Variants in NLRP2B observed in about 807,000 individuals in gnomAD.
NLRP2B encodes the protein NLR family pyrin domain containing 2B, also known as NLR family pyrin domain-containing protein 2B.
For missense variants in NLRP2B, 25 were observed against 6.8 expected (o/e 3.70, Z -3.00); for synonymous variants, 16 against 3.5 (o/e 4.63, Z -4.03).
chrX:57,678,017 G>T lies in NLRP2B; in HGVS notation c.*2106C>A. ...ACAGTCTTGTGACCTCAAAGAGCTA[G>T]GCAGAGGTTCCGATAAGCATCAGCT... On this transcript the variant is annotated 3_prime_UTR_variant, in exon 1 of 1. Coordinates refer to ENST00000434992, the MANE Select transcript of NLRP2B (RefSeq NM_001319967.1). The T allele has an allele frequency of 2.1e-6, 1 of 473,383 alleles. No individual in the cohort carries two copies. The highest frequency in any genetic ancestry group is 3.8e-6 in the Non-Finnish European group (1 of 260,071). 39.0% of individuals were successfully genotyped at this position (473,383 alleles called of 1,213,427 possible).
rs938093896 is a variant in NLRP2B, at chrX:57,679,339, T to C, written c.*784A>G. ...GAAGACCGGCACCGGCTTCTGCTTC[T>C]CCCAGTCCCCACAGATGTCCTAGAT... On this transcript the variant is annotated 3_prime_UTR_variant, in exon 1 of 1. Transcript: ENST00000434992. 3.7e-5 allele frequency: 22 copies of C among 588,142 alleles called. No individual in the cohort carries two copies. The African/African-American group carries it at 4.9e-4, about 13-fold the overall frequency. 48.5% of individuals were successfully genotyped at this position (588,142 alleles called of 1,213,427 possible).
chrX:57,680,220 A>T lies in NLRP2B; in HGVS notation c.41T>A (p.Leu14His), dbSNP rs1660699846. ...SAQLDFNLQA[L>H]LGQLSQDDLC... is the part of the protein sequence containing the mutation. Reference sequence around the variant, plus strand: ...GTCATCCTGGCTGAGCTGTCCCAGAAGAGCCTGCAGGTTGAAGTCCAGCTG... The same window carrying T: ...GTCATCCTGGCTGAGCTGTCCCAGATGAGCCTGCAGGTTGAAGTCCAGCTG... The change falls in exon 1 of 1, where the codon CTT becomes CAT. Residue 14 changes from leucine (L) to histidine (H), a missense_variant. Physicochemically the swap from Leu to His is moderately conservative, Grantham distance 99. Coordinates refer to ENST00000434992, the MANE Select transcript of NLRP2B (RefSeq NM_001319967.1). 5.3e-6 allele frequency: 2 copies of T among 379,250 alleles called. No homozygotes were observed. The highest frequency in any genetic ancestry group is 9.4e-6 in the Non-Finnish European group (2 of 211,987). 31.3% of individuals were successfully genotyped at this position (379,250 alleles called of 1,213,427 possible).
In NLRP2B at chrX:57,678,232, C is replaced by G. The variant is rs1350391379; in HGVS notation, c.*1891G>C. On this transcript the variant is annotated 3_prime_UTR_variant, in exon 1 of 1. Coordinates refer to ENST00000434992, the MANE Select transcript of NLRP2B (RefSeq NM_001319967.1). ...AAGCATGTGTTGATCATCCTGGGAT[C>G]TCTCAACTTCAGCATCTGATTCAGA... 5.6e-6 allele frequency: 3 copies of G among 534,391 alleles called. No individual in the cohort carries two copies. Among genetic ancestry groups the G allele is most frequent in the Non-Finnish European group, 1.0e-5 (3 of 292,053 alleles). The allele number at this position is 534,391 out of a possible 1,213,427, so 44.0% of individuals were successfully genotyped here. A position where few individuals can be genotyped will look rare whatever the true frequency, so the allele number is the denominator to read the frequency against.
In NLRP2B at chrX:57,680,106, C is replaced by T; in HGVS notation, c.*17G>A. ...GGTGATGATTTCTGCCAGTTGCTTC[C>T]CATCAGCCTTGTCTACCTATGTCTG... On this transcript the variant is annotated 3_prime_UTR_variant, in exon 1 of 1. Transcript: ENST00000434992. The T allele has an allele frequency of 4.4e-6, 2 of 456,051 alleles. No homozygotes were observed. The highest frequency in any genetic ancestry group is 5.9e-5 in the Admixed American group (2 of 34,068). The allele number at this position is 456,051 out of a possible 1,213,427, so 37.6% of individuals were successfully genotyped here.
chrX:57,678,672 G>T lies in NLRP2B; in HGVS notation c.*1451C>A, dbSNP rs1288647433. ...AAAACAGCTTCTGCACGTCTCCATT[G>T]TCCCAGGCGTGGCCGTCCTTGTCCT... On this transcript the variant is annotated 3_prime_UTR_variant, in exon 1 of 1. Coordinates refer to ENST00000434992, the MANE Select transcript of NLRP2B (RefSeq NM_001319967.1). The T allele has an allele frequency of 7.2e-6, 3 of 415,822 alleles. No individual in the cohort carries two copies. Among genetic ancestry groups the T allele is most frequent in the East Asian group, 9.4e-5 (2 of 21,377 alleles). 34.3% of individuals were successfully genotyped at this position (415,822 alleles called of 1,213,427 possible).
At position 57,679,109 on chromosome X, in the gene NLRP2B, C is replaced by G; in HGVS notation, c.*1014G>C. The G allele has an allele frequency of 2.2e-6, 1 of 458,064 alleles. No homozygotes were observed. Among genetic ancestry groups the G allele is most frequent in the Non-Finnish European group, 4.1e-6 (1 of 245,512 alleles). 37.7% of individuals were successfully genotyped at this position (458,064 alleles called of 1,213,427 possible). A position where few individuals can be genotyped will look rare whatever the true frequency, so the allele number is the denominator to read the frequency against. On this transcript the variant is annotated 3_prime_UTR_variant, in exon 1 of 1. Coordinates refer to ENST00000434992, the MANE Select transcript of NLRP2B (RefSeq NM_001319967.1). ...GCTGGAACAGGGCCGCGTTTCTTCT[C>G]ATCAGCTCAAAGGCACACATGGCTT...
rs1257825030 is a variant in NLRP2B, at chrX:57,679,453, T to A, written c.*670A>T. 2.0e-6 allele frequency: 2 copies of A among 994,328 alleles called. No individual in the cohort carries two copies. The highest frequency in any genetic ancestry group is 6.2e-5 in the East Asian group (2 of 32,345). The allele number at this position is 994,328 out of a possible 1,213,427, so 81.9% of individuals were successfully genotyped here. Reference sequence around the variant, plus strand: ...TTGGGCTAGGATGTTTGGAATGTCATCCTGCAATTCAGGCCAGTTCCTGAA... The same window carrying A: ...TTGGGCTAGGATGTTTGGAATGTCAACCTGCAATTCAGGCCAGTTCCTGAA... On this transcript the variant is annotated 3_prime_UTR_variant, in exon 1 of 1. Transcript: ENST00000434992.
rs1288978024 is a variant in NLRP2B, at chrX:57,677,422, C to G, written c.*2701G>C. ...ACACAGTGGTTTCTTCAAAGCCTCA[C>G]ATAGGAGCTTCACTCCAGTAACTCC... On this transcript the variant is annotated 3_prime_UTR_variant, in exon 1 of 1. Transcript: ENST00000434992. 1 of 345,907 alleles carries G rather than the reference C, an allele frequency of 2.9e-6. No individual in the cohort carries two copies. The highest frequency in any genetic ancestry group is 5.6e-6 in the Non-Finnish European group (1 of 179,471). The allele number at this position is 345,907 out of a possible 1,213,427, so 28.5% of individuals were successfully genotyped here.
At position 57,677,591 on chromosome X, in the gene NLRP2B, T is replaced by C. The variant is rs753499696; in HGVS notation, c.*2532A>G. 11 of 302,192 alleles carry C rather than the reference T, an allele frequency of 3.6e-5. No individual in the cohort carries two copies. The highest frequency in any genetic ancestry group is 7.7e-5 in the East Asian group (1 of 12,969). 24.9% of individuals were successfully genotyped at this position (302,192 alleles called of 1,213,427 possible). A position where few individuals can be genotyped will look rare whatever the true frequency, so the allele number is the denominator to read the frequency against. The stretch of plus-strand genomic sequence containing the variant: ...TTACAATGGGGGTAACTCAAACCCT[T>C]ACACAGAAACATCACCCATGTATCC... On this transcript the variant is annotated 3_prime_UTR_variant, in exon 1 of 1. Coordinates refer to ENST00000434992, the MANE Select transcript of NLRP2B (RefSeq NM_001319967.1).
In NLRP2B at chrX:57,680,085, A is replaced by T; in HGVS notation, c.*38T>A. On this transcript the variant is annotated 3_prime_UTR_variant, in exon 1 of 1. Transcript: ENST00000434992. Reference sequence around the variant, plus strand: ...CCAGTAGCTGTGGCAATGGCTGGTGATGATTTCTGCCAGTTGCTTCCCATC... The same window carrying T: ...CCAGTAGCTGTGGCAATGGCTGGTGTTGATTTCTGCCAGTTGCTTCCCATC... 1 of 446,392 alleles carries T rather than the reference A, an allele frequency of 2.2e-6. No individual in the cohort carries two copies. The highest frequency in any genetic ancestry group is 4.8e-5 in the South Asian group (1 of 20,879). 36.8% of individuals were successfully genotyped at this position (446,392 alleles called of 1,213,427 possible).
chrX:57,678,821 C>T lies in NLRP2B; in HGVS notation c.*1302G>A. The T allele has an allele frequency of 2.7e-6, 1 of 375,211 alleles. No homozygotes were observed. The highest frequency in any genetic ancestry group is 6.0e-5 in the East Asian group (1 of 16,668). 30.9% of individuals were successfully genotyped at this position (375,211 alleles called of 1,213,427 possible). ...ATGTCCTGGCGGAGGATGTCTCTGT[C>T]CAGGGACGGGCGGATGTTGAACTCC... On this transcript the variant is annotated 3_prime_UTR_variant, in exon 1 of 1. Coordinates refer to ENST00000434992, the MANE Select transcript of NLRP2B (RefSeq NM_001319967.1).
At position 57,678,056 on chromosome X, in the gene NLRP2B, T is replaced by A. The variant is rs919107761; in HGVS notation, c.*2067A>T. On this transcript the variant is annotated 3_prime_UTR_variant, in exon 1 of 1. Transcript: ENST00000434992. The stretch of plus-strand genomic sequence containing the variant: ...TAAGCATCAGCTGGTGAAATGTTTT[T>A]GAACATCACTCTCTGGAGACGACAG... The A allele has an allele frequency of 2.1e-6, 1 of 470,994 alleles. No homozygotes were observed. Among genetic ancestry groups the A allele is most frequent in the African/African-American group, 2.4e-5 (1 of 41,869 alleles). The allele number at this position is 470,994 out of a possible 1,213,427, so 38.8% of individuals were successfully genotyped here.
rs1409890726 is a variant in NLRP2B at position 57,679,044 on chromosome X, C to T, written c.*1079G>A. 11 of 413,293 alleles carry T rather than the reference C, an allele frequency of 2.7e-5. No individual in the cohort carries two copies. Among genetic ancestry groups the T allele is most frequent in the Non-Finnish European group, 4.4e-5 (10 of 225,902 alleles). The allele number at this position is 413,293 out of a possible 1,213,427, so 34.1% of individuals were successfully genotyped here. On this transcript the variant is annotated 3_prime_UTR_variant, in exon 1 of 1. Coordinates refer to ENST00000434992, the MANE Select transcript of NLRP2B (RefSeq NM_001319967.1). ...CCCTTCTAACCTCTGCAGCTTCAGA[C>T]TCATGCACATGATCCAGCACACCAT...
rs1203319321 is a variant in NLRP2B at position 57,679,569 on chromosome X, C to T, written c.*554G>A. On this transcript the variant is annotated 3_prime_UTR_variant, in exon 1 of 1. Coordinates refer to ENST00000434992, the MANE Select transcript of NLRP2B (RefSeq NM_001319967.1). ...ATCTAAATTTCTGGCTGAGGTTGTC[C>T]TCTGCCCAGTCCAGCATTAATTTCT... is the stretch of plus-strand genomic sequence containing the variant. 8 of 545,183 alleles carry T rather than the reference C, an allele frequency of 1.5e-5. No individual in the cohort carries two copies. Among genetic ancestry groups the T allele is most frequent in the East Asian group, 1.0e-4 (3 of 29,574 alleles). The allele number at this position is 545,183 out of a possible 1,213,427, so 44.9% of individuals were successfully genotyped here.
chrX:57,677,751 G>T lies in NLRP2B; in HGVS notation c.*2372C>A. ...ACAACCTCGGCAGGAAGCATTTTGGGTGTCTCAAAGTTGTGTACAGCAACT... is the reference window on the plus strand; with the variant it reads ...ACAACCTCGGCAGGAAGCATTTTGGTTGTCTCAAAGTTGTGTACAGCAACT... On this transcript the variant is annotated 3_prime_UTR_variant, in exon 1 of 1. Transcript: ENST00000434992. 2.4e-6 allele frequency: 1 copy of T among 417,798 alleles called. No homozygotes were observed. The highest frequency in any genetic ancestry group is 2.6e-5 in the South Asian group (1 of 38,813). 34.4% of individuals were successfully genotyped at this position (417,798 alleles called of 1,213,427 possible). A position where few individuals can be genotyped will look rare whatever the true frequency, so the allele number is the denominator to read the frequency against.
Position 57,678,765 on chromosome X carries a change from G to T in NLRP2B, c.*1358C>A. The T allele has an allele frequency of 2.5e-6, 1 of 399,665 alleles. No individual in the cohort carries two copies. The highest frequency in any genetic ancestry group is 3.0e-5 in the Admixed American group (1 of 32,832). The allele number at this position is 399,665 out of a possible 1,213,427, so 32.9% of individuals were successfully genotyped here. Reference sequence around the variant, plus strand: ...CAGTGAAAAACTGCTGGAAGCTGAGGTGGATGTAGGAATAGCAGCCTTTAG... The same window carrying T: ...CAGTGAAAAACTGCTGGAAGCTGAGTTGGATGTAGGAATAGCAGCCTTTAG... On this transcript the variant is annotated 3_prime_UTR_variant, in exon 1 of 1. Coordinates refer to ENST00000434992, the MANE Select transcript of NLRP2B (RefSeq NM_001319967.1).
rs190812484 is a variant in NLRP2B at position 57,678,878 on chromosome X, G to C, written c.*1245C>G. On this transcript the variant is annotated 3_prime_UTR_variant, in exon 1 of 1. Transcript: ENST00000434992. ...CCGAGCCTCGCCAAGTCCTCTCCAC[G>C]GAACACTGACATCTGCGCCCACAGG... 2 of 375,480 alleles carry C rather than the reference G, an allele frequency of 5.3e-6. No homozygotes were observed. The highest frequency in any genetic ancestry group is 9.5e-6 in the Non-Finnish European group (2 of 209,776). 30.9% of individuals were successfully genotyped at this position (375,480 alleles called of 1,213,427 possible).
rs2011734652 is a variant in NLRP2B, at chrX:57,678,663, G to A, written c.*1460C>T. Reference sequence around the variant, plus strand: ...CTTCTCTAGAAAACAGCTTCTGCACGTCTCCATTGTCCCAGGCGTGGCCGT... The same window carrying A: ...CTTCTCTAGAAAACAGCTTCTGCACATCTCCATTGTCCCAGGCGTGGCCGT... On this transcript the variant is annotated 3_prime_UTR_variant, in exon 1 of 1. Coordinates refer to ENST00000434992, the MANE Select transcript of NLRP2B (RefSeq NM_001319967.1). 5 of 420,310 alleles carry A rather than the reference G, an allele frequency of 1.2e-5. No homozygotes were observed. Among genetic ancestry groups the A allele is most frequent in the South Asian group, 3.1e-5 (1 of 32,123 alleles). 34.6% of individuals were successfully genotyped at this position (420,310 alleles called of 1,213,427 possible). A position where few individuals can be genotyped will look rare whatever the true frequency, so the allele number is the denominator to read the frequency against.
chrX:57,679,642 G>A lies in NLRP2B; in HGVS notation c.*481C>T, dbSNP rs778468272. 5.1e-5 allele frequency: 24 copies of A among 467,706 alleles called. No individual in the cohort carries two copies. The highest frequency in any genetic ancestry group is 4.3e-4 in the African/African-American group (18 of 41,455). 38.5% of individuals were successfully genotyped at this position (467,706 alleles called of 1,213,427 possible). ...GCCCGCAGGACCATGCAGCACCACC[G>A]TGTGTGGGCAGGGCCCGGGAAGCAC... is the stretch of plus-strand genomic sequence containing the variant. On this transcript the variant is annotated 3_prime_UTR_variant, in exon 1 of 1. Coordinates refer to ENST00000434992, the MANE Select transcript of NLRP2B (RefSeq NM_001319967.1).
Sources: allele counts gnomAD v4.1 joint callset, GRCh38; gene constraint gnomAD v4.1.1; transcripts MANE v1.5; gene names NCBI Gene and HGNC (gene_info 2026-07-23, HGNC 2026-07-21).